The following KLRG2 variants were observed in gnomAD, a reference collection of about 807,000 sequenced individuals.
The protein encoded by KLRG2 is killer cell lectin like receptor G2.
KLRG2 carries 39 observed loss-of-function variants against 35.4 expected under a neutral mutation model. The ratio of observed to expected loss-of-function variants is 1.10; its 90% CI spans 0.85 to 1.44. KLRG2 has a LOEUF of 1.44. Ranked by LOEUF, KLRG2 falls within the 40% of genes most tolerant of loss-of-function variation. The probability of loss-of-function intolerance (pLI) is 0.00; values close to 1 mark genes in which losing one functional copy is unlikely to be tolerated. For synonymous variants in KLRG2, 283 were observed against 265.8 expected (o/e 1.06, Z -0.63); for missense variants, 632 against 570.9 (o/e 1.11, Z -1.09).
the KLRG2 span, among the ~76,000 whole-genome samples, chr7:139,438,394 C>T: frequency 6.6e-6 from 1 of 152,024 alleles, no homozygotes; most frequent in Non-Finnish European, 1.5e-5. Flanking sequence ...GGCTATTTTC[C>T]TTGGTATATA....
Position 139,483,221 on chromosome 7 carries a change from G to C in KLRG2, c.422C>G (p.Thr141Arg). 1.3e-6 allele frequency: 2 copies of C among 1,532,668 alleles called. No homozygotes were observed. Among genetic ancestry groups the C allele is most frequent in the Non-Finnish European group, 1.7e-6 (2 of 1,150,216 alleles). 94.9% of individuals were successfully genotyped at this position (1,532,668 alleles called of 1,614,324 possible). A position where few individuals can be genotyped will look rare whatever the true frequency, so the allele number is the denominator to read the frequency against. Residue 141 changes from threonine to arginine, a missense_variant, in exon 1 of 5, where the codon ACG becomes AGG. By Grantham distance (71) the Thr-to-Arg change is moderately conservative. Transcript: ENST00000340940. ...KPVGAAGGSS[T>R]PSPRPSTRFL... ...GCGCGTGGAGGGCCTGGGCGATGGC[G>C]TGCTGCTGCCACCGGCCGCGCCCAC...
intron 3 of KLRG2, among the ~76,000 whole-genome samples, chr7:139,467,734 GTATTGT>G (rs1796689529): frequency 6.6e-6 from 1 of 151,840 alleles, no homozygotes; most frequent in Non-Finnish European, 1.5e-5. Context: ...GGAAAGCCAG[GTATTGT>G]CCAAGGTTTC....
At chr7:139,467,072 C>T (rs897097850) in intron 3 of KLRG2, among the ~76,000 whole-genome samples, 13 of 152,062 alleles carry the variant, frequency 8.5e-5, no homozygotes, top group African/African-American at 3.1e-4. Flanking sequence ...GGGACAAATA[C>T]TCCTTTTAAC....
the KLRG2 span, among the ~76,000 whole-genome samples, chr7:139,435,216 G>A: frequency 2.6e-5 from 4 of 152,254 alleles, no homozygotes; most frequent in East Asian, 1.9e-4. Flanking sequence ...TCGGCTGGGC[G>A]CAGTGGCTCA....
the KLRG2 span, among the ~76,000 whole-genome samples, chr7:139,446,629 C>A: frequency 6.6e-6 from 1 of 152,152 alleles, no homozygotes; most frequent in Non-Finnish European, 1.5e-5. Flanking sequence ...GCGTGAGCCA[C>A]CGCGCCCAGC....
At chr7:139,481,556 C>A (rs1389191495) in intron 1 of KLRG2, among the ~76,000 whole-genome samples, 1 of 152,150 alleles carries the variant, frequency 6.6e-6, no homozygotes, top group African/African-American at 2.4e-5. Flanking sequence ...TCTGACCCCT[C>A]CTGGCCGTTG....
intron 3 of KLRG2, among the ~76,000 whole-genome samples, chr7:139,461,874 T>C (rs892202934): frequency 7.9e-5 from 12 of 152,292 alleles, no homozygotes; most frequent in Admixed American, 6.5e-4. Context: ...TTTGGTGCCA[T>C]GACTCGGATC....
chr7:139,445,427 C>A, the KLRG2 span, among the ~76,000 whole-genome samples: 1 of 151,998 alleles, frequency 6.6e-6, no homozygotes, highest in Non-Finnish European at 1.5e-5. Flanking sequence ...ATCCTGTCCT[C>A]GCGGAGCTTA....
chr7:139,470,764 C>A (rs1445798946), intron 3 of KLRG2, among the ~76,000 whole-genome samples: 1 of 151,894 alleles, frequency 6.6e-6, no homozygotes, highest in African/African-American at 2.4e-5. Flanking sequence ...TGCACTCCAG[C>A]CTGGGCAACA....
At chr7:139,441,114 C>T in the KLRG2 span, among the ~76,000 whole-genome samples, 1 of 152,154 alleles carries the variant, frequency 6.6e-6, no homozygotes, top group African/African-American at 2.4e-5. Flanking sequence ...GGCATCAATC[C>T]CATTACTGGG....
chr7:139,482,916 C>A lies in KLRG2; in HGVS notation c.727G>T (p.Glu243Ter), dbSNP rs1034356778. Residue 243 changes from glutamate (E) to a stop codon, truncating the protein, a stop_gained, in exon 1 of 5, where the codon GAG becomes TAG. Coordinates refer to ENST00000340940, the MANE Select transcript of KLRG2 (RefSeq NM_198508.4). LOFTEE classifies it high-confidence loss of function. ...AGCGTTACGGCCCGGGGCAGCTTCTCGTCGCCGTCCAACCCCGCGCGGGGC... is the reference window on the plus strand; with the variant it reads ...AGCGTTACGGCCCGGGGCAGCTTCTAGTCGCCGTCCAACCCCGCGCGGGGC... ...LLPRAGLDGD[E>*]KLPRAVTLTG... The A allele has an allele frequency of 1.3e-6, 2 of 1,492,654 alleles. No individual in the cohort carries two copies. The highest frequency in any genetic ancestry group is 2.9e-5 in the African/African-American group (2 of 68,926). 92.5% of individuals were successfully genotyped at this position (1,492,654 alleles called of 1,614,324 possible).
the KLRG2 span, among the ~76,000 whole-genome samples, chr7:139,433,908 G>A: frequency 6.6e-6 from 1 of 152,238 alleles, no homozygotes; most frequent in Non-Finnish European, 1.5e-5. Context: ...AGTGCTGGGA[G>A]CACTTCAGTG....
chr7:139,475,561 TG>T (rs1267062977), intron 3 of KLRG2, among the ~76,000 whole-genome samples: 7 of 150,510 alleles, frequency 4.7e-5, no homozygotes, highest in East Asian at 3.9e-4. Context: ...GTCCCCGTGC[TG>T]GGGGGGTGGC....
At chr7:139,462,081 T>C (rs1368794217) in intron 3 of KLRG2, among the ~76,000 whole-genome samples, 1 of 152,194 alleles carries the variant, frequency 6.6e-6, no homozygotes, top group Non-Finnish European at 1.5e-5. Context: ...TTTCAGTCTC[T>C]CCCTTCTCTT....
chr7:139,452,352 T>A (rs1796389470), downstream of KLRG2, among the ~76,000 whole-genome samples: 1 of 152,174 alleles, frequency 6.6e-6, no homozygotes, highest in African/African-American at 2.4e-5. Flanking sequence ...CTAATGTAGA[T>A]GACAAGTTGA....
chr7:139,445,801 A>ATATATATATATATATG, the KLRG2 span, among the ~76,000 whole-genome samples: 3 of 131,320 alleles, frequency 2.3e-5, no homozygotes, highest in Admixed American at 7.2e-5. Flanking sequence ...ATGTGTGTAT[A>ATATATATATATATATG]TATATATGAC....
the KLRG2 span, among the ~76,000 whole-genome samples, chr7:139,428,499 T>C: frequency 2.6e-5 from 4 of 152,274 alleles, no homozygotes; most frequent in Non-Finnish European, 5.9e-5. Context: ...GCTCAAGTGA[T>C]CCTCCCACCT....
At chr7:139,455,314 G>A (rs6967820) in intron 3 of KLRG2, among the ~76,000 whole-genome samples, 1,851 of 149,638 alleles carry the variant, frequency 0.012, 36 homozygotes, top group African/African-American at 0.044. Context: ...CACTGTACCC[G>A]GCCAAGATTT....
At chr7:139,429,412 GTGTTTC>G in the KLRG2 span, among the ~76,000 whole-genome samples, 1 of 151,136 alleles carries the variant, frequency 6.6e-6, no homozygotes, top group Non-Finnish European at 1.5e-5. Context: ...TCATTCTTGG[GTGTTTC>G]TCGCAGAGGG....
Sources: gnomAD v4.1 joint callset for allele counts (sites outside exome capture counted in the v4.1 genomes callset) on GRCh38, gnomAD v4.1.1 for gene constraint, MANE v1.5 for transcripts, NCBI Gene and HGNC (gene_info 2026-07-23, HGNC 2026-07-21) for gene names.